Variants in CCSER1 observed in about 807,000 individuals in gnomAD.
CCSER1 encodes coiled-coil serine rich protein 1.
CCSER1 carries 41 observed loss-of-function variants against 82.0 expected under a neutral mutation model. That is an observed-to-expected ratio of 0.50 (90% CI 0.39 to 0.65). The LOEUF (loss-of-function observed/expected upper bound fraction) is 0.65. CCSER1 is among the 30% of genes least tolerant of loss of function. The probability of loss-of-function intolerance (pLI) is 0.00; values close to 1 mark genes in which losing one functional copy is unlikely to be tolerated. For synonymous variants in CCSER1, 414 were observed against 383.9 expected (o/e 1.08, Z -0.92); for missense variants, 1,119 against 1,064.2 (o/e 1.05, Z -0.72).
At chr4:91,403,849 A>C (rs967258992) in intron 10 of CCSER1, among the ~76,000 whole-genome samples, 2 of 152,134 alleles carry the variant, frequency 1.3e-5, no homozygotes, top group Non-Finnish European at 2.9e-5. Flanking sequence ...ATATTGGTCT[A>C]AAATTCTCTT....
intron 10 of CCSER1, among the ~76,000 whole-genome samples, chr4:91,145,441 G>A (rs1296009737): frequency 1.3e-5 from 2 of 152,102 alleles, no homozygotes; most frequent in Non-Finnish European, 2.9e-5. Context: ...AGGGTGTTTA[G>A]ACCATTCACA....
chr4:90,301,672 C>G (rs1733154687), intron 1 of CCSER1, among the ~76,000 whole-genome samples: 1 of 151,792 alleles, frequency 6.6e-6, no homozygotes, highest in Non-Finnish European at 1.5e-5. Flanking sequence ...CTAGTTCAAC[C>G]TTCATATTTT....
chr4:90,628,324 T>A, intron 6 of CCSER1, 92 bp downstream of exon 6: 1 of 939,268 alleles, frequency 1.1e-6, no homozygotes, highest in Non-Finnish European at 1.7e-6. Context: ...AGTAATTAAC[T>A]ACATGACATT....
intron 9 of CCSER1, among the ~76,000 whole-genome samples, chr4:90,976,433 A>T (rs1182616715): frequency 6.6e-6 from 1 of 151,148 alleles, no homozygotes; most frequent in Non-Finnish European, 1.5e-5. Flanking sequence ...CAAATGACAT[A>T]TTTTGCTGTT....
chr4:91,592,804 C>T (rs1764326828), intron 10 of CCSER1, among the ~76,000 whole-genome samples: 2 of 151,838 alleles, frequency 1.3e-5, no homozygotes, highest in African/African-American at 4.8e-5. Flanking sequence ...CCTTTAAGAA[C>T]AATTCTTGTT....
In CCSER1 at chr4:91,438,567, G is replaced by C. The variant is rs557591683; in HGVS notation, c.2218-160005G>C. ...GCAGAAAAACTGGATACTCTAAAAA[G>C]CAGAGCGCCTCTCCTCCTCCAAAGG... is the stretch of plus-strand genomic sequence containing the variant. On this transcript the variant is annotated intron_variant, in intron 10 of 10. Transcript: ENST00000509176. Among the ~76,000 whole-genome samples, 200 of 152,276 alleles carry C rather than the reference G, an allele frequency of 1.3e-3. 2 individuals are homozygous for C. The highest frequency in any genetic ancestry group is 4.6e-3 in the African/African-American group (192 of 41,548).
At chr4:90,429,429 A>G (rs1205254503) in intron 4 of CCSER1, among the ~76,000 whole-genome samples, 3 of 151,868 alleles carry the variant, frequency 2.0e-5, no homozygotes, top group East Asian at 3.8e-4. Context: ...TCCGCATGTA[A>G]TGTTTATAAG....
rs373911355 is a variant in CCSER1, at chr4:91,024,172, C to T, written c.2173-61778C>T. 9.2e-5 allele frequency among the ~76,000 whole-genome samples: 14 copies of T among 152,162 alleles called. No individual in the cohort carries two copies. The East Asian group carries it at 2.7e-3, about 29-fold the overall frequency. On this transcript the variant is annotated intron_variant, in intron 9 of 10. Transcript: ENST00000509176. ...TTTATGATCCAATCAGCTCTTAAAC[C>T]CCCCACCTCTCAATACTGCTACATT...
chr4:90,450,025 C>G (rs959812991), intron 4 of CCSER1, among the ~76,000 whole-genome samples: 2 of 152,216 alleles, frequency 1.3e-5, no homozygotes, highest in East Asian at 3.8e-4. Flanking sequence ...CTATCAATCC[C>G]CCTTCTGAAG....
intron 9 of CCSER1, among the ~76,000 whole-genome samples, chr4:90,973,190 G>A (rs1735282065): frequency 1.3e-5 from 2 of 151,578 alleles, no homozygotes; most frequent in Non-Finnish European, 2.9e-5. Flanking sequence ...AAAAGTTTGT[G>A]TACTAGCAAA....
chr4:90,942,666 A>T (rs558351427), intron 9 of CCSER1, among the ~76,000 whole-genome samples: 272 of 143,246 alleles, frequency 1.9e-3, no homozygotes, highest in Non-Finnish European at 2.5e-3. Context: ...TATCTTTGTT[A>T]AAAAAAAGAA....
At chr4:90,767,733 G>T (rs1418399339) in intron 7 of CCSER1, among the ~76,000 whole-genome samples, 1 of 152,022 alleles carries the variant, frequency 6.6e-6, no homozygotes, top group African/African-American at 2.4e-5. Context: ...GGAGTGCAGT[G>T]GTGCTATCTC....
At chr4:91,536,483 T>C (rs537989639) in intron 10 of CCSER1, among the ~76,000 whole-genome samples, 22 of 152,208 alleles carry the variant, frequency 1.4e-4, no homozygotes, top group Non-Finnish European at 1.5e-5. Context: ...CTTTGCTCCC[T>C]AGGAATTTGA....
rs151029268 is a variant in CCSER1 at position 91,419,042 on chromosome 4, C to T, written c.2218-179530C>T. On this transcript the variant is annotated intron_variant, in intron 10 of 10. Coordinates refer to ENST00000509176, the MANE Select transcript of CCSER1 (RefSeq NM_001145065.2). ...ATAAAAATTTTTCAACACTTTTTCA[C>T]GATAACAACTGTCAACAAATTAGGT... Among the ~76,000 whole-genome samples, 1,048 of 151,954 alleles carry T rather than the reference C, an allele frequency of 6.9e-3. 10 individuals are homozygous for T. Among genetic ancestry groups the T allele is most frequent in the African/African-American group, 0.023 (970 of 41,436 alleles).
intron 3 of CCSER1, among the ~76,000 whole-genome samples, chr4:90,390,636 G>T (rs945501781): frequency 6.6e-6 from 1 of 152,078 alleles, no homozygotes; most frequent in African/African-American, 2.4e-5. Flanking sequence ...TGGCTGTGTG[G>T]TATTCCATAG....
At chr4:90,945,020 T>C (rs10433957) in intron 9 of CCSER1, among the ~76,000 whole-genome samples, 41,456 of 152,080 alleles carry the variant, frequency 0.27, 6,335 homozygotes, top group East Asian at 0.46. Context: ...TTGGTTTCTC[T>C]TCCGTGTTTT....
At chr4:91,049,866 C>T (rs185681090) in intron 9 of CCSER1, among the ~76,000 whole-genome samples, 5 of 152,312 alleles carry the variant, frequency 3.3e-5, no homozygotes, top group African/African-American at 7.2e-5. Context: ...TCTATCATAA[C>T]TTGATCATCT....
chr4:90,251,363 G>T (rs1359429884), intron 1 of CCSER1, among the ~76,000 whole-genome samples: 1 of 151,634 alleles, frequency 6.6e-6, no homozygotes, highest in African/African-American at 2.4e-5. Flanking sequence ...TGATAGCCAG[G>T]GATTTTTCTA....
rs150145629 is a variant in CCSER1, at chr4:91,231,212, G to A, written c.2217+145218G>A. On this transcript the variant is annotated intron_variant, in intron 10 of 10. Transcript: ENST00000509176. Reference sequence around the variant, plus strand: ...ATAAGGGGAAACAAAGTGAATGGTCGTTGAAAGGGATATAGTTGAATAAAA... The same window carrying A: ...ATAAGGGGAAACAAAGTGAATGGTCATTGAAAGGGATATAGTTGAATAAAA... Among the ~76,000 whole-genome samples, 1,028 of 151,912 alleles carry A rather than the reference G, an allele frequency of 6.8e-3. 7 individuals carry two copies. The highest frequency in any genetic ancestry group is 0.023 in the African/African-American group (952 of 41,524).
Sources: allele counts gnomAD v4.1 joint callset (sites outside exome capture counted in the v4.1 genomes callset), GRCh38; gene constraint gnomAD v4.1.1; transcripts MANE v1.5; gene names NCBI Gene and HGNC (gene_info 2026-07-23, HGNC 2026-07-21).